The following MYOZ2 variants were observed in gnomAD, a reference collection of about 807,000 sequenced individuals.
MYOZ2 encodes myozenin 2.
MYOZ2 carries 19 observed loss-of-function variants against 25.4 expected under a neutral mutation model. That is an observed-to-expected ratio of 0.75 (90% CI 0.52 to 1.10). MYOZ2 has a LOEUF of 1.10. MYOZ2 is among the 50% of genes least tolerant of loss of function. The probability of loss-of-function intolerance (pLI) is 0.00; values close to 1 mark genes in which losing one functional copy is unlikely to be tolerated. For missense variants in MYOZ2, 270 were observed against 317.9 expected, an observed-to-expected ratio of 0.85 and a Z score of 1.15; for synonymous variants, 92 against 106.9, an observed-to-expected ratio of 0.86 and a Z score of 0.86.
intron 4 of MYOZ2, among the ~76,000 whole-genome samples, chr4:119,160,778 C>T (rs977945535): frequency 2.0e-5 from 3 of 152,026 alleles, no homozygotes; most frequent in East Asian, 3.9e-4. Flanking sequence ...TTTAAATTGA[C>T]GTGTAATAAT....
At chr4:119,143,772 C>T (rs1484900917) in intron 2 of MYOZ2, among the ~76,000 whole-genome samples, 2 of 152,166 alleles carry the variant, frequency 1.3e-5, no homozygotes, top group Non-Finnish European at 2.9e-5. Context: ...TTTGTCTTTT[C>T]CAGAATGTCA....
intron 5 of MYOZ2, 97 bp from the exon 6 acceptor site, chr4:119,185,869 C>T (rs1742281806): frequency 5.3e-6 from 5 of 945,346 alleles, no homozygotes; most frequent in South Asian, 4.3e-5. Context: ...GAATTAAATA[C>T]ACCCATAAAA....
At chr4:119,176,886 C>T (rs748923576) in intron 5 of MYOZ2, among the ~76,000 whole-genome samples, 2 of 152,138 alleles carry the variant, frequency 1.3e-5, no homozygotes, top group African/African-American at 2.4e-5. Context: ...AAAGTGCAGA[C>T]GCCAATTCAG....
intron 3 of MYOZ2, among the ~76,000 whole-genome samples, chr4:119,153,198 A>G (rs186675856): frequency 1.3e-5 from 2 of 152,214 alleles, no homozygotes; most frequent in East Asian, 1.9e-4. Context: ...TACCTGCACA[A>G]TAAGTCATTA....
At chr4:119,143,631 A>G (rs1403115796) in intron 2 of MYOZ2, among the ~76,000 whole-genome samples, 1 of 152,354 alleles carries the variant, frequency 6.6e-6, no homozygotes, top group East Asian at 1.9e-4. Context: ...AGTGTCGTAT[A>G]TCTGCCATTA....
chr4:119,158,246 T>A, intron 4 of MYOZ2, 95 bp downstream of exon 4: 1 of 1,484,312 alleles, frequency 6.7e-7, no homozygotes, highest in Non-Finnish European at 9.3e-7. Context: ...AGTATTTAAA[T>A]AATATATCTT....
intron 5 of MYOZ2, among the ~76,000 whole-genome samples, chr4:119,169,049 C>T (rs1327919984): frequency 6.6e-6 from 1 of 152,194 alleles, no homozygotes; most frequent in Non-Finnish European, 1.5e-5. Context: ...TCAGCAATCA[C>T]TACCCTGATC....
At chr4:119,156,692 A>C (rs1176967899) in intron 3 of MYOZ2, among the ~76,000 whole-genome samples, 1 of 152,204 alleles carries the variant, frequency 6.6e-6, no homozygotes, top group Non-Finnish European at 1.5e-5. Context: ...ATATCATCAG[A>C]CTATCAATAT....
At chr4:119,155,168 GA>G (rs1437583056) in intron 3 of MYOZ2, among the ~76,000 whole-genome samples, 5 of 152,086 alleles carry the variant, frequency 3.3e-5, no homozygotes, top group African/African-American at 1.2e-4. Context: ...TAATTACTGC[GA>G]GGATGGCACC....
At chr4:119,179,461 C>T (rs1742143658) in intron 5 of MYOZ2, among the ~76,000 whole-genome samples, 1 of 152,140 alleles carries the variant, frequency 6.6e-6, no homozygotes, top group South Asian at 2.1e-4. Flanking sequence ...AGAACAAACT[C>T]TCATCTACTC....
chr4:119,158,034 A>G lies in MYOZ2; in HGVS notation c.259A>G (p.Met87Val), dbSNP rs1741621672. Residue 87 changes from methionine to valine, a missense_variant, in exon 4 of 6, where the codon ATG (methionine) becomes GTG (valine). By Grantham distance (21) the Met-to-Val change is conservative. Coordinates refer to ENST00000307128, the MANE Select transcript of MYOZ2 (RefSeq NM_016599.5). ...SRAQINHSIA[M>V]QNGKVDGSNL... ...TGATTAAATACAGCACAGTATTGCTATGCAGAATGGGAAAGTGGATGGAAG... is the reference window on the plus strand; with the variant it reads ...TGATTAAATACAGCACAGTATTGCTGTGCAGAATGGGAAAGTGGATGGAAG... 1.2e-6 allele frequency: 2 copies of G among 1,614,044 alleles called. No homozygotes were observed. The highest frequency in any genetic ancestry group is 1.7e-5 in the Admixed American group (1 of 60,010).
rs546999011 is a variant in MYOZ2 at position 119,158,101 on chromosome 4, C to G, written c.326C>G (p.Pro109Arg). 1.2e-6 allele frequency: 2 copies of G among 1,613,974 alleles called. No individual in the cohort carries two copies. The highest frequency in any genetic ancestry group is 4.5e-5 in the East Asian group (2 of 44,874). Reference protein sequence around the residue: ...GGSQQAPLTPPNTPDPRSPPN... With the variant: ...GGSQQAPLTPRNTPDPRSPPN... ...TCGCAGCAAGCCCCCTTGACTCCTC[C>G]CAACACCCCAGATCCACGAAGCCCT... The change falls in exon 4 of 6, where the codon CCC (proline) becomes CGC (arginine). Residue 109 changes from proline to arginine, a missense_variant. Physicochemically the swap from Pro to Arg is moderately radical, Grantham distance 103. Coordinates refer to ENST00000307128, the MANE Select transcript of MYOZ2 (RefSeq NM_016599.5).
At chr4:119,155,285 T>C (rs13109051) in intron 3 of MYOZ2, among the ~76,000 whole-genome samples, 1 of 152,082 alleles carries the variant, frequency 6.6e-6, no homozygotes, top group African/African-American at 2.4e-5. Flanking sequence ...GGGACAAATA[T>C]CCAAATCACA....
At chr4:119,137,144 T>G (rs1402055952) in intron 2 of MYOZ2, among the ~76,000 whole-genome samples, 1 of 152,184 alleles carries the variant, frequency 6.6e-6, no homozygotes, top group Non-Finnish European at 1.5e-5. Context: ...GTGTGCAAAG[T>G]CTACTTTTAT....
chr4:119,141,206 T>C (rs539098451), intron 2 of MYOZ2, among the ~76,000 whole-genome samples: 1 of 152,174 alleles, frequency 6.6e-6, no homozygotes, highest in Non-Finnish European at 1.5e-5. Flanking sequence ...AGCTACCCTC[T>C]AGTAATTGCA....
At chr4:119,169,605 C>T (rs940016998) in intron 5 of MYOZ2, among the ~76,000 whole-genome samples, 32 of 152,208 alleles carry the variant, frequency 2.1e-4, no homozygotes, top group Admixed American at 1.6e-3. Context: ...TGTGGTACCA[C>T]GTTTCTCCTT....
chr4:119,164,798 A>G (rs1194719870), intron 5 of MYOZ2, among the ~76,000 whole-genome samples: 1 of 152,158 alleles, frequency 6.6e-6, no homozygotes, highest in Non-Finnish European at 1.5e-5. Flanking sequence ...GTGTAACTCC[A>G]GATTCTATCT....
intron 5 of MYOZ2, among the ~76,000 whole-genome samples, chr4:119,175,163 G>C (rs1742039296): frequency 1.3e-5 from 2 of 151,914 alleles, no homozygotes; most frequent in Non-Finnish European, 2.9e-5. Context: ...TAGGAGATGG[G>C]AGGTGGATGA....
intron 2 of MYOZ2, among the ~76,000 whole-genome samples, chr4:119,148,777 A>AAAC (rs1225041541): frequency 1.4e-5 from 2 of 140,644 alleles, no homozygotes; most frequent in African/African-American, 4.9e-5. Flanking sequence ...GGCAAAAAAA[A>AAAC]AAAAAACCTT....
Sources: allele counts gnomAD v4.1 joint callset (sites outside exome capture counted in the v4.1 genomes callset), GRCh38; gene constraint gnomAD v4.1.1; transcripts MANE v1.5; gene names NCBI Gene and HGNC (gene_info 2026-07-23, HGNC 2026-07-21).